The following PSD3 variants were observed in gnomAD, a reference collection of about 807,000 sequenced individuals.
PSD3 encodes the protein pleckstrin and Sec7 domain containing 3, also known as PH and SEC7 domain-containing protein 3.
PSD3 carries 49 observed loss-of-function variants against 105.5 expected under a neutral mutation model. That is an observed-to-expected ratio of 0.46 (90% CI 0.37 to 0.59). The LOEUF (loss-of-function observed/expected upper bound fraction) is 0.59, where lower values mean the gene tolerates loss of function less well. Ranked by LOEUF, PSD3 falls within the 20% of genes least tolerant of loss-of-function variation. The probability of loss-of-function intolerance (pLI) is 0.00; values close to 1 mark genes in which losing one functional copy is unlikely to be tolerated. For missense variants in PSD3, 1,561 were observed against 1,263.8 expected (o/e 1.24, Z -3.57); for synonymous variants, 557 against 457.8 (o/e 1.22, Z -2.77).
Position 18,640,235 on chromosome 8 carries a change from C to A in PSD3, c.2217-7429G>T, listed in dbSNP as rs143406802. ...CATTGACCCTAAATGGAAACCTATGCTGCTAAGTGTAGGCTAAATACTGCA... is the reference window on the plus strand; with the variant it reads ...CATTGACCCTAAATGGAAACCTATGATGCTAAGTGTAGGCTAAATACTGCA... On this transcript the variant is annotated intron_variant, in intron 10 of 15. Transcript: ENST00000327040. Among the ~76,000 whole-genome samples, 46 of 152,230 alleles carry A rather than the reference C, an allele frequency of 3.0e-4. No homozygotes were observed. In the East Asian group the frequency reaches 6.2e-3, roughly 20 times the overall value.
Position 18,591,276 on chromosome 8 carries a change from G to C in PSD3, c.2481+9088C>G, listed in dbSNP as rs368769989. On this transcript the variant is annotated intron_variant, in intron 12 of 15. Transcript: ENST00000327040. The stretch of plus-strand genomic sequence containing the variant: ...CATCTCTGATGGGGGAAAGGAAAGA[G>C]GTCTTTGCTATTCTGGCTTTTCAGA... Among the ~76,000 whole-genome samples, 8 of 152,230 alleles carry C rather than the reference G, an allele frequency of 5.3e-5. No homozygotes were observed. The East Asian group carries it at 1.2e-3, about 22-fold the overall frequency.
chr8:18,638,609 C>T (rs962502328), intron 10 of PSD3, among the ~76,000 whole-genome samples: 9 of 151,360 alleles, frequency 5.9e-5, no homozygotes, highest in South Asian at 2.1e-4. Flanking sequence ...TACTGAAAAC[C>T]GTAAAACATT....
chr8:18,883,280 G>T (rs1205037722), intron 2 of PSD3, among the ~76,000 whole-genome samples: 1 of 152,106 alleles, frequency 6.6e-6, no homozygotes, highest in Non-Finnish European at 1.5e-5. Flanking sequence ...TAACTCAGAG[G>T]TCCAACTGTT....
At position 18,531,304 on chromosome 8, in the gene PSD3, A is replaced by C. The variant is rs1290739692; in HGVS notation, c.*4439T>G. The C allele has an allele frequency of 1.3e-5, 2 of 152,674 alleles. No homozygotes were observed. The allele number at this position is 152,674 out of a possible 1,614,324, so 9.5% of individuals were successfully genotyped here. A position where few individuals can be genotyped will look rare whatever the true frequency, so the allele number is the denominator to read the frequency against. ...GTATTTAATGACATTCTCTCTATGAAGACATTCTCTCTGCATGCAATGGGC... is the reference window on the plus strand; with the variant it reads ...GTATTTAATGACATTCTCTCTATGACGACATTCTCTCTGCATGCAATGGGC... On this transcript the variant is annotated 3_prime_UTR_variant, in exon 16 of 16. Coordinates refer to ENST00000327040, the MANE Select transcript of PSD3 (RefSeq NM_015310.4).
At chr8:19,006,444 T>C (rs76787818) in intron 1 of PSD3, among the ~76,000 whole-genome samples, 18,404 of 152,102 alleles carry the variant, frequency 0.12, 1,313 homozygotes, top group Non-Finnish European at 0.14. Context: ...CGCTTTTGTA[T>C]TGTTATGCCT....
At chr8:18,651,430 C>T (rs1009916217) in intron 10 of PSD3, among the ~76,000 whole-genome samples, 2 of 152,224 alleles carry the variant, frequency 1.3e-5, no homozygotes, top group African/African-American at 4.8e-5. Flanking sequence ...CACCACCTTT[C>T]CTGTAACTAT....
At chr8:18,548,026 G>A (rs537503892) in intron 15 of PSD3, among the ~76,000 whole-genome samples, 1 of 151,888 alleles carries the variant, frequency 6.6e-6, no homozygotes, top group East Asian at 1.9e-4. Flanking sequence ...CATCTGATTA[G>A]GTATTTTTAA....
chr8:19,012,045 CTG>C lies in PSD3; in HGVS notation c.21+1516_21+1517del, dbSNP rs543233058. On this transcript the variant is annotated intron_variant, in intron 1 of 15. Transcript: ENST00000327040. ...CTAATCCCCTCACCCTACCAGGAAA[CTG>C]TAGCGACAGAAGTTAAATAATTTGC... is the stretch of plus-strand genomic sequence containing the variant. Among the ~76,000 whole-genome samples, 372 of 152,336 alleles carry C rather than the reference CTG, an allele frequency of 2.4e-3. 1 individual carries two copies. The highest frequency in any genetic ancestry group is 8.5e-3 in the African/African-American group (354 of 41,580).
intron 1 of PSD3, among the ~76,000 whole-genome samples, chr8:19,068,564 T>C (rs192280333): frequency 5.3e-5 from 8 of 152,298 alleles, no homozygotes; most frequent in African/African-American, 1.9e-4. Context: ...GTGCTGGGAT[T>C]ACATGCGTGA....
rs371738359 is a variant in PSD3 at position 18,739,166 on chromosome 8, T to C, written c.2172+26283A>G. Among the ~76,000 whole-genome samples the C allele has an allele frequency of 8.6e-4, 131 of 152,270 alleles. 4 individuals are homozygous for C. In the South Asian group the frequency reaches 0.026, roughly 31 times the overall value. On this transcript the variant is annotated intron_variant, in intron 9 of 15. Transcript: ENST00000327040. ...TAATAAATATATTTAAGGAAGAATA[T>C]TAACCAACCAAAAATTAATTTAAAT... is the stretch of plus-strand genomic sequence containing the variant.
chr8:18,825,899 C>T lies in PSD3; in HGVS notation c.1635-21001G>A, dbSNP rs143828050. Among the ~76,000 whole-genome samples the T allele has an allele frequency of 3.0e-3, 456 of 152,280 alleles. 2 individuals are homozygous for T. Among genetic ancestry groups the T allele is most frequent in the Non-Finnish European group, 3.3e-3 (222 of 68,038 alleles). Reference sequence around the variant, plus strand: ...AAAGGTCCTGGGATGGTTAATTTTACGTGTCAACTTGACTGGGCCACAGGA... The same window carrying T: ...AAAGGTCCTGGGATGGTTAATTTTATGTGTCAACTTGACTGGGCCACAGGA... On this transcript the variant is annotated intron_variant, in intron 4 of 15. Coordinates refer to ENST00000327040, the MANE Select transcript of PSD3 (RefSeq NM_015310.4).
chr8:18,863,396 C>T (rs185739036), intron 4 of PSD3, among the ~76,000 whole-genome samples: 1 of 152,164 alleles, frequency 6.6e-6, no homozygotes, highest in African/African-American at 2.4e-5. Context: ...CACACAGCAC[C>T]GCTGACCCCC....
intron 14 of PSD3, among the ~76,000 whole-genome samples, chr8:18,560,539 G>C (rs995378271): frequency 6.6e-6 from 1 of 151,956 alleles, no homozygotes; most frequent in Admixed American, 6.6e-5. Context: ...TTTTAAGTTA[G>C]GAAGTGATAA....
intron 9 of PSD3, chr8:18,684,185 T>A: frequency 8.4e-5 from 27 of 322,108 alleles, no homozygotes; most frequent in Non-Finnish European, 1.0e-4. Context: ...AATCCACCCC[T>A]GCTACTCGTC....
At position 18,609,713 on chromosome 8, in the gene PSD3, T is replaced by C. The variant is rs143011017; in HGVS notation, c.2411-9279A>G. 5.3e-5 allele frequency among the ~76,000 whole-genome samples: 8 copies of C among 152,374 alleles called. No individual in the cohort carries two copies. In the East Asian group the frequency reaches 1.5e-3, roughly 29 times the overall value. On this transcript the variant is annotated intron_variant, in intron 11 of 15. Transcript: ENST00000327040. Reference sequence around the variant, plus strand: ...GGAGGAGTCTGCTTTCTGCAATTGATGTGCAAAGAATTTAAATAAGTTCAT... The same window carrying C: ...GGAGGAGTCTGCTTTCTGCAATTGACGTGCAAAGAATTTAAATAAGTTCAT...
chr8:18,555,146 C>A (rs533883643), intron 15 of PSD3, among the ~76,000 whole-genome samples: 1 of 151,850 alleles, frequency 6.6e-6, no homozygotes, highest in Non-Finnish European at 1.5e-5. Flanking sequence ...GAAAAACAAC[C>A]GGCCAAAGGA....
At chr8:18,691,433 A>G (rs1349476062) in intron 9 of PSD3, among the ~76,000 whole-genome samples, 2 of 152,230 alleles carry the variant, frequency 1.3e-5, no homozygotes, top group African/African-American at 4.8e-5. Context: ...ATCATATGGA[A>G]AACAAACACA....
At chr8:19,061,984 T>C (rs1828915705) in intron 1 of PSD3, among the ~76,000 whole-genome samples, 1 of 152,184 alleles carries the variant, frequency 6.6e-6, no homozygotes, top group African/African-American at 2.4e-5. Flanking sequence ...TACACCCAAT[T>C]GTACTGATTA....
chr8:18,905,785 T>G (rs1819807362), intron 2 of PSD3, among the ~76,000 whole-genome samples: 1 of 152,228 alleles, frequency 6.6e-6, no homozygotes, highest in Non-Finnish European at 1.5e-5. Context: ...TATTTTTTAC[T>G]GGATGATATT....
Sources: allele counts gnomAD v4.1 joint callset (sites outside exome capture counted in the v4.1 genomes callset), GRCh38; gene constraint gnomAD v4.1.1; transcripts MANE v1.5; gene names NCBI Gene and HGNC (gene_info 2026-07-23, HGNC 2026-07-21).